BEND7: variants seen among roughly 807,000 people sequenced by gnomAD.
BEND7 encodes BEN domain-containing protein 7.
BEND7 carries 28 observed loss-of-function variants against 50.9 expected under a neutral mutation model. The ratio of observed to expected loss-of-function variants is 0.55; its 90% CI spans 0.41 to 0.75. BEND7 has a LOEUF of 0.75. Among genes scored for constraint, BEND7 ranks in the 30% least tolerant of loss-of-function variants. BEND7 has a pLI of 0.00. For missense variants in BEND7, 477 were observed against 491.3 expected (o/e 0.97, Z 0.28); for synonymous variants, 170 against 183.9 (o/e 0.92, Z 0.61).
intron 2 of BEND7, among the ~76,000 whole-genome samples, chr10:13,504,099 C>G (rs1251409942): frequency 7.9e-5 from 12 of 152,132 alleles, no homozygotes; most frequent in Non-Finnish European, 2.9e-5. Flanking sequence ...AGAAACGAGG[C>G]CTGAAGACTC....
chr10:13,451,098 A>G (rs1205167212), intron 7 of BEND7, among the ~76,000 whole-genome samples: 1 of 151,960 alleles, frequency 6.6e-6, no homozygotes, highest in Non-Finnish European at 1.5e-5. Context: ...GCAGCAGAAC[A>G]TTTACACTGT....
rs572569972 is a variant in BEND7, at chr10:13,451,250, C to T, written c.1183+1289G>A. Among the ~76,000 whole-genome samples, 110 of 151,752 alleles carry T rather than the reference C, an allele frequency of 7.2e-4. 2 individuals are homozygous for T. In the South Asian group the frequency reaches 0.014, roughly 19 times the overall value. On this transcript the variant is annotated intron_variant, in intron 7 of 8. Transcript: ENST00000466271. ...TGTCACCCAGACTGTAGTGCAGTGG[C>T]CAGTCGTCGCTCACTGCAGCCTCAA...
At chr10:13,491,312 A>T (rs1010180382) in intron 5 of BEND7, among the ~76,000 whole-genome samples, 5 of 124,628 alleles carry the variant, frequency 4.0e-5, no homozygotes, top group African/African-American at 1.8e-4. Context: ...GACTCTGTCT[A>T]AAAAAAAAAA....
intron 4 of BEND7, among the ~76,000 whole-genome samples, chr10:13,495,641 A>G (rs1317882014): frequency 6.6e-6 from 1 of 152,250 alleles, no homozygotes; most frequent in Non-Finnish European, 1.5e-5. Flanking sequence ...CAGCCTGGGC[A>G]ACAAGAGTGA....
intron 6 of BEND7, among the ~76,000 whole-genome samples, chr10:13,468,364 G>A (rs907610826): frequency 3.3e-5 from 5 of 152,120 alleles, no homozygotes; most frequent in Non-Finnish European, 7.3e-5. Flanking sequence ...ACGGCCCTGT[G>A]GAGAACAGCA....
chr10:13,441,957 T>A, intron 8 of BEND7: 1 of 597,948 alleles, frequency 1.7e-6, no homozygotes, highest in Non-Finnish European at 3.0e-6. Flanking sequence ...AGCCAGCTTT[T>A]TGTTACAGTA....
At chr10:13,456,363 A>G (rs1008975855) in intron 6 of BEND7, among the ~76,000 whole-genome samples, 2 of 152,162 alleles carry the variant, frequency 1.3e-5, no homozygotes, top group Admixed American at 1.3e-4. Context: ...GCAGAAGTGA[A>G]TGTCACCATG....
At chr10:13,516,805 A>G (rs1345377594) in intron 2 of BEND7, among the ~76,000 whole-genome samples, 3 of 152,194 alleles carry the variant, frequency 2.0e-5, no homozygotes, top group Non-Finnish European at 4.4e-5. Flanking sequence ...CAAAAATGCA[A>G]AGAGATCAGG....
At chr10:13,527,621 T>G (rs1354221091) in intron 1 of BEND7, among the ~76,000 whole-genome samples, 1 of 152,184 alleles carries the variant, frequency 6.6e-6, no homozygotes, top group Non-Finnish European at 1.5e-5. Context: ...AAACTCAATA[T>G]GAGGACTTGT....
At chr10:13,468,433 G>A (rs1014486468) in intron 6 of BEND7, among the ~76,000 whole-genome samples, 9 of 152,266 alleles carry the variant, frequency 5.9e-5, no homozygotes, top group Admixed American at 2.0e-4. Flanking sequence ...TGGCTCACCC[G>A]GGAGGAAGCA....
At chr10:13,441,902 T>C (rs988552556) in intron 8 of BEND7, 152 bp from the exon 9 acceptor site, 2 of 732,498 alleles carry the variant, frequency 2.7e-6, no homozygotes, top group Admixed American at 5.4e-5. Context: ...ATATATGAGA[T>C]GTAACTTGTC....
intron 6 of BEND7, among the ~76,000 whole-genome samples, chr10:13,456,779 A>G (rs953705395): frequency 6.6e-6 from 1 of 152,210 alleles, no homozygotes; most frequent in Non-Finnish European, 1.5e-5. Context: ...ATAAGCAAAC[A>G]TATTTTCCAC....
At chr10:13,474,306 G>C (rs543022544) in intron 6 of BEND7, among the ~76,000 whole-genome samples, 1 of 151,172 alleles carries the variant, frequency 6.6e-6, no homozygotes, top group Non-Finnish European at 1.5e-5. Flanking sequence ...TAGATGCGGG[G>C]TCGATATCCA....
chr10:13,494,136 G>A (rs954445200), intron 4 of BEND7, among the ~76,000 whole-genome samples: 20 of 152,202 alleles, frequency 1.3e-4, no homozygotes, highest in Admixed American at 1.1e-3. Flanking sequence ...CTGAGATGCC[G>A]GGCCAGGCAT....
At chr10:13,438,868 T>G, downstream of BEND7, 1 of 328,156 alleles carries the variant, frequency 3.0e-6, no homozygotes, top group East Asian at 7.1e-5. Context: ...AGCCTGACCC[T>G]CCTCTCAATC....
chr10:13,476,615 C>T (rs557581568), intron 6 of BEND7, among the ~76,000 whole-genome samples: 23 of 152,310 alleles, frequency 1.5e-4, no homozygotes, highest in African/African-American at 3.6e-4. Flanking sequence ...TTCAAAGATT[C>T]TATCATATTT....
intron 2 of BEND7, among the ~76,000 whole-genome samples, chr10:13,523,239 G>C (rs1160281445): frequency 6.6e-6 from 1 of 152,198 alleles, no homozygotes; most frequent in Non-Finnish European, 1.5e-5. Flanking sequence ...CAGCCAGCTT[G>C]AGAAAGTCAA....
intron 4 of BEND7, among the ~76,000 whole-genome samples, chr10:13,493,346 T>C (rs1331187104): frequency 6.6e-6 from 1 of 152,152 alleles, no homozygotes; most frequent in Non-Finnish European, 1.5e-5. Context: ...GATGAGACAG[T>C]GATGATCATT....
At chr10:13,473,198 C>T (rs952492129) in intron 6 of BEND7, among the ~76,000 whole-genome samples, 6 of 152,090 alleles carry the variant, frequency 3.9e-5, no homozygotes, top group South Asian at 2.1e-4. Context: ...CTGTTAGACT[C>T]GGGGCCAATA....
Sources: allele counts gnomAD v4.1 joint callset (sites outside exome capture counted in the v4.1 genomes callset), GRCh38; gene constraint gnomAD v4.1.1; transcripts MANE v1.5; gene names NCBI Gene and HGNC (gene_info 2026-07-23, HGNC 2026-07-21).